IFI16: variants seen among roughly 807,000 people sequenced by gnomAD.
IFI16 encodes interferon gamma inducible protein 16, also known as gamma-interferon-inducible protein 16.
In IFI16, 49 loss-of-function variants were observed where a neutral mutation model predicts 68.4. The observed-to-expected ratio is 0.72, with a 90% CI of 0.57 to 0.91. The LOEUF is 0.91. Ranked by LOEUF, IFI16 falls within the 40% of genes least tolerant of loss-of-function variation. IFI16 has a pLI of 0.00. For synonymous variants in IFI16, 307 were observed against 315.0 expected (o/e 0.97, Z 0.27); for missense variants, 878 against 942.9 (o/e 0.93, Z 0.90).
At chr1:159,016,048 T>A (rs1652905058) in intron 3 of IFI16, 61 bp downstream of exon 3, 7 of 1,008,028 alleles carry the variant, frequency 6.9e-6, no homozygotes, top group Non-Finnish European at 1.1e-5. Context: ...CTACGGCTCT[T>A]CCACTCAATC....
At chr1:159,053,324 A>C (rs1655473944) in intron 10 of IFI16, 1 of 393,202 alleles carries the variant, frequency 2.5e-6, no homozygotes, top group Non-Finnish European at 4.5e-6. Flanking sequence ...CCAGCAGACA[A>C]AGAACTTCAA....
chr1:159,009,539 C>A (rs769407157), upstream of IFI16, among the ~76,000 whole-genome samples: 70 of 152,130 alleles, frequency 4.6e-4, no homozygotes, highest in Non-Finnish European at 3.4e-4. Context: ...TATATTTGAG[C>A]ATCATTTAAG....
In IFI16 at chr1:159,010,125, C is replaced by G. The variant is rs190643135; in HGVS notation, c.-57C>G. 5 of 152,298 alleles carry G rather than the reference C, an allele frequency of 3.3e-5. No homozygotes were observed. Among genetic ancestry groups the G allele is most frequent in the Admixed American group, 3.3e-4 (5 of 15,292 alleles). The allele number at this position is 152,298 out of a possible 1,614,324, so 9.4% of individuals were successfully genotyped here. A position where few individuals can be genotyped will look rare whatever the true frequency, so the allele number is the denominator to read the frequency against. ...TTGATTCCTGCATTTCTGAAGATCT[C>G]AAGATCTGGACTACTGTTGAAAAAA... On this transcript the variant is annotated 5_prime_UTR_variant, in exon 1 of 12. Transcript: ENST00000295809.
intron 2 of IFI16, 169 bp from the exon 3 acceptor site, chr1:159,015,703 C>T: frequency 6.9e-6 from 4 of 582,256 alleles, no homozygotes; most frequent in South Asian, 6.1e-5. Context: ...GACTGCTGGT[C>T]TCCTTAAGGC....
At position 159,010,687 on chromosome 1, in the gene IFI16, T is replaced by C. The variant is rs528397447; in HGVS notation, c.-21+526T>C. 9.7e-4 allele frequency among the ~76,000 whole-genome samples: 147 copies of C among 152,278 alleles called. 2 individuals are homozygous for C. The highest frequency in any genetic ancestry group is 3.4e-3 in the African/African-American group (142 of 41,566). On this transcript the variant is annotated intron_variant, in intron 1 of 11. Coordinates refer to ENST00000295809, the MANE Select transcript of IFI16 (RefSeq NM_001376587.1). Reference sequence around the variant, plus strand: ...TCACAAACACAGTTACTCAAGCACATGGTGTCTTAATATTTTCATAAGTAT... The same window carrying C: ...TCACAAACACAGTTACTCAAGCACACGGTGTCTTAATATTTTCATAAGTAT...
At chr1:159,036,171 G>C (rs779172781) in intron 7 of IFI16, among the ~76,000 whole-genome samples, 1 of 152,136 alleles carries the variant, frequency 6.6e-6, no homozygotes, top group Non-Finnish European at 1.5e-5. Context: ...GCACTTACTA[G>C]GTGCTGGTTT....
chr1:159,030,876 T>TGC (rs1553209150), intron 6 of IFI16, among the ~76,000 whole-genome samples: 1 of 148,462 alleles, frequency 6.7e-6, no homozygotes, highest in Non-Finnish European at 1.5e-5. Flanking sequence ...AGGTGGTGGG[T>TGC]GGGGGGGCCA....
intron 6 of IFI16, among the ~76,000 whole-genome samples, chr1:159,030,876 T>TGGG (rs55744576): frequency 0.069 from 10,257 of 147,642 alleles, 1,033 homozygotes; most frequent in African/African-American, 0.22. Context: ...AGGTGGTGGG[T>TGGG]GGGGGGGCCA....
At chr1:159,026,454 A>G (rs145196396) in intron 6 of IFI16, among the ~76,000 whole-genome samples, 1,767 of 152,142 alleles carry the variant, frequency 0.012, 30 homozygotes, top group East Asian at 0.085. Context: ...GCTTGCCACC[A>G]CGCCTGGCTA....
chr1:159,016,715 G>C lies in IFI16; in HGVS notation c.549+15G>C. The C allele has an allele frequency of 2.5e-6, 4 of 1,598,526 alleles. No individual in the cohort carries two copies. The highest frequency in any genetic ancestry group is 3.4e-6 in the Non-Finnish European group (4 of 1,172,760). ...CTTCAACTGAGGTACACTCTTCCTG[G>C]TCCCATTTTGCTTTGTTTTTTTCAA... On this transcript the variant is annotated intron_variant, in intron 4 of 11. Coordinates refer to ENST00000295809, the MANE Select transcript of IFI16 (RefSeq NM_001376587.1).
At chr1:159,019,803 A>G (rs1279641241) in intron 5 of IFI16, among the ~76,000 whole-genome samples, 3 of 152,188 alleles carry the variant, frequency 2.0e-5, no homozygotes, top group African/African-American at 7.2e-5. Flanking sequence ...ATCCAGTTCT[A>G]GGATGATGAG....
chr1:159,027,352 C>T (rs902645179), intron 6 of IFI16, among the ~76,000 whole-genome samples: 1 of 152,144 alleles, frequency 6.6e-6, no homozygotes, highest in Non-Finnish European at 1.5e-5. Context: ...GTATGTTAAA[C>T]CATCCCTGCG....
At position 159,016,644 on chromosome 1, in the gene IFI16, C is replaced by A. The variant is rs145132906; in HGVS notation, c.493C>A (p.Arg165Ser). Residue 165 changes from arginine to serine, a missense_variant, in exon 4 of 12, where the codon CGT becomes AGT. By Grantham distance (110) the Arg-to-Ser change is moderately radical. Around this residue, in one of 4 missense-constraint regions of IFI16, gnomAD observed 443 missense variants for 421.8 expected, o/e 1.05. Transcript: ENST00000295809. ...AGAGMSTAMG[R>S]SPSPKTSLSA... Reference sequence around the variant, plus strand: ...AGCCGGCATGTCCACAGCCATGGGCCGTTCCCCATCTCCCAAGACCTCATT... The same window carrying A: ...AGCCGGCATGTCCACAGCCATGGGCAGTTCCCCATCTCCCAAGACCTCATT... 1.2e-6 allele frequency: 2 copies of A among 1,614,146 alleles called. No individual in the cohort carries two copies. The highest frequency in any genetic ancestry group is 1.7e-6 in the Non-Finnish European group (2 of 1,180,004).
chr1:159,019,957 C>T (rs1653196858), intron 5 of IFI16, among the ~76,000 whole-genome samples: 1 of 152,164 alleles, frequency 6.6e-6, no homozygotes, highest in African/African-American at 2.4e-5. Context: ...ACAGATTCCT[C>T]ATAAGTCACT....
At position 159,042,167 on chromosome 1, in the gene IFI16, G is replaced by T. The variant is rs563746987; in HGVS notation, c.1330-3130G>T. Among the ~76,000 whole-genome samples the T allele has an allele frequency of 1.7e-4, 26 of 152,236 alleles. 2 individuals are homozygous for T. In the South Asian group the frequency reaches 5.4e-3, roughly 32 times the overall value. The stretch of plus-strand genomic sequence containing the variant: ...AAACCTGTCTGACTACCCTCTATAT[G>T]ATCCAGTAGCTCTGCAGGAAAGCTT... On this transcript the variant is annotated intron_variant, in intron 7 of 11. Transcript: ENST00000295809.
intron 7 of IFI16, among the ~76,000 whole-genome samples, chr1:159,035,421 A>G (rs1654262405): frequency 6.6e-6 from 1 of 152,202 alleles, no homozygotes; most frequent in African/African-American, 2.4e-5. Flanking sequence ...GGATTATGTG[A>G]GAATTTCTAA....
At chr1:159,014,318 G>A (rs1320212056) in intron 1 of IFI16, among the ~76,000 whole-genome samples, 1 of 152,176 alleles carries the variant, frequency 6.6e-6, no homozygotes, top group African/African-American at 2.4e-5. Context: ...CAGGATTTGG[G>A]GAATAGGCTT....
At chr1:159,031,703 C>T (rs1252332487) in intron 6 of IFI16, among the ~76,000 whole-genome samples, 1 of 152,158 alleles carries the variant, frequency 6.6e-6, no homozygotes, top group Non-Finnish European at 1.5e-5. Flanking sequence ...CTCCTGGAGC[C>T]TGCAGCAGCA....
chr1:159,040,109 G>C (rs1654535693), intron 7 of IFI16, among the ~76,000 whole-genome samples: 1 of 152,170 alleles, frequency 6.6e-6, no homozygotes, highest in Non-Finnish European at 1.5e-5. Flanking sequence ...AAAAATCTTG[G>C]AAGAACCCAT....
Sources: allele counts gnomAD v4.1 joint callset (sites outside exome capture counted in the v4.1 genomes callset), GRCh38; gene constraint gnomAD v4.1.1; regional missense constraint gnomAD v4.1.1; transcripts MANE v1.5; gene names NCBI Gene and HGNC (gene_info 2026-07-23, HGNC 2026-07-21).